The following ALK variants were observed in gnomAD, a reference collection of about 807,000 sequenced individuals.
ALK encodes the protein ALK tyrosine kinase receptor.
Under a neutral mutation model 163.1 loss-of-function variants are expected in ALK, and 74 were observed. That is an observed-to-expected ratio of 0.45 (90% CI 0.38 to 0.55). ALK has a LOEUF of 0.55. ALK is among the 20% of genes least tolerant of loss of function. ALK has a pLI of 0.00. For synonymous variants in ALK, 960 were observed against 843.2 expected (o/e 1.14, Z -2.40); for missense variants, 2,063 against 2,105.3 (o/e 0.98, Z 0.39).
chr2:29,601,522 CG>C (rs1184628583), intron 3 of ALK, among the ~76,000 whole-genome samples: 1 of 152,016 alleles, frequency 6.6e-6, no homozygotes, highest in Non-Finnish European at 1.5e-5. Flanking sequence ...TGGATACTAA[CG>C]GCTCCATTAA....
intron 3 of ALK, among the ~76,000 whole-genome samples, chr2:29,667,300 CTTTA>C (rs1677542760): frequency 6.6e-6 from 1 of 151,918 alleles, no homozygotes; most frequent in African/African-American, 2.4e-5. Flanking sequence ...TTTTGGTGCC[CTTTA>C]TTTATTTCTC....
chr2:29,509,834 A>G (rs1672460516), intron 4 of ALK, among the ~76,000 whole-genome samples: 1 of 152,218 alleles, frequency 6.6e-6, no homozygotes, highest in African/African-American at 2.4e-5. Flanking sequence ...AAGCATTTAA[A>G]AAGAGAAAGA....
intron 5 of ALK, among the ~76,000 whole-genome samples, chr2:29,338,756 A>G (rs1363862290): frequency 6.6e-6 from 1 of 152,252 alleles, no homozygotes; most frequent in Non-Finnish European, 1.5e-5. Context: ...GTGCTAATGT[A>G]TGTAGTCAAA....
At chr2:29,433,677 A>G (rs1018280370) in intron 4 of ALK, among the ~76,000 whole-genome samples, 2 of 152,150 alleles carry the variant, frequency 1.3e-5, no homozygotes, top group Non-Finnish European at 2.9e-5. Context: ...TAAAATTTAC[A>G]AAACCAGGTG....
chr2:29,409,845 A>G (rs1669685572), intron 4 of ALK, among the ~76,000 whole-genome samples: 1 of 151,938 alleles, frequency 6.6e-6, no homozygotes, highest in Non-Finnish European at 1.5e-5. Flanking sequence ...TCAAGGGTTC[A>G]TTTCTCTACC....
intron 3 of ALK, among the ~76,000 whole-genome samples, chr2:29,663,310 A>G (rs1222082603): frequency 6.6e-6 from 1 of 152,210 alleles, no homozygotes; most frequent in Non-Finnish European, 1.5e-5. Flanking sequence ...AAATTCTTTT[A>G]TGGAGACACA....
At chr2:29,490,957 T>C (rs985576154) in intron 4 of ALK, among the ~76,000 whole-genome samples, 10 of 152,126 alleles carry the variant, frequency 6.6e-5, no homozygotes, top group African/African-American at 2.4e-4. Flanking sequence ...GTAGTAAATT[T>C]TTACCTGCAT....
chr2:29,699,542 G>A (rs1678671739), intron 2 of ALK, among the ~76,000 whole-genome samples: 2 of 152,314 alleles, frequency 1.3e-5, no homozygotes, highest in South Asian at 2.1e-4. Context: ...AGAAACCAAT[G>A]AAGTGTTTTA....
intron 5 of ALK, among the ~76,000 whole-genome samples, chr2:29,344,840 T>C (rs1048315905): frequency 6.6e-6 from 1 of 151,908 alleles, no homozygotes; most frequent in Non-Finnish European, 1.5e-5. Flanking sequence ...AACACTTGAG[T>C]TATCCTCAAA....
In ALK at chr2:29,629,339, T is replaced by C. The variant is rs552920466; in HGVS notation, c.952+65511A>G. Among the ~76,000 whole-genome samples the C allele has an allele frequency of 1.5e-4, 23 of 152,252 alleles. No homozygotes were observed. The East Asian group carries it at 4.1e-3, about 27-fold the overall frequency. On this transcript the variant is annotated intron_variant, in intron 3 of 28. Transcript: ENST00000389048. ...AAAACTTGAGACCCTCAGGAAAGAA[T>C]GGCATAAATGGAAAACTGTTTTCTA...
At chr2:29,769,859 C>A (rs1377227765) in intron 1 of ALK, among the ~76,000 whole-genome samples, 1 of 152,142 alleles carries the variant, frequency 6.6e-6, no homozygotes, top group Non-Finnish European at 1.5e-5. Context: ...GACTGATAGC[C>A]AATTGATTGA....
At chr2:29,502,489 T>G (rs1672213227) in intron 4 of ALK, among the ~76,000 whole-genome samples, 1 of 152,142 alleles carries the variant, frequency 6.6e-6, no homozygotes, top group East Asian at 1.9e-4. Context: ...ACTCAACGTT[T>G]TATTACTCAG....
At chr2:29,768,713 C>CTATGTGTGTGTGTG (rs149394341) in intron 1 of ALK, among the ~76,000 whole-genome samples, 2,093 of 142,904 alleles carry the variant, frequency 0.015, 43 homozygotes, top group African/African-American at 0.037. Context: ...TTATATATGT[C>CTATGTGTGTGTGTG]TGTGTGTGTG....
intron 26 of ALK, among the ~76,000 whole-genome samples, chr2:29,204,800 G>C (rs1476308039): frequency 6.6e-6 from 1 of 152,176 alleles, no homozygotes; most frequent in South Asian, 2.1e-4. Flanking sequence ...TGTTGGCAAG[G>C]CTAGTCTCGA....
chr2:29,895,231 G>T (rs1316203896), intron 1 of ALK, among the ~76,000 whole-genome samples: 1 of 152,206 alleles, frequency 6.6e-6, no homozygotes, highest in African/African-American at 2.4e-5. Flanking sequence ...TCTGAAAGTT[G>T]TTACTTGGGA....
At chr2:29,859,629 AT>A (rs752525514) in intron 1 of ALK, among the ~76,000 whole-genome samples, 3 of 152,198 alleles carry the variant, frequency 2.0e-5, no homozygotes, top group African/African-American at 7.2e-5. Context: ...GTGAAAAAAA[AT>A]AAATAGAAAA....
chr2:29,676,959 G>T (rs2541174), intron 3 of ALK, among the ~76,000 whole-genome samples: 1 of 151,902 alleles, frequency 6.6e-6, no homozygotes, highest in East Asian at 1.9e-4. Context: ...AATACAGTTA[G>T]TTTTTTAATA....
At chr2:29,196,738 T>G (rs1228383362) in intron 28 of ALK, 32 bp downstream of exon 28, 6 of 1,509,696 alleles carry the variant, frequency 4.0e-6, no homozygotes, top group Middle Eastern at 1.7e-4. Context: ...TCATATAGAG[T>G]AAATGTTGAC....
At chr2:29,826,080 G>T (rs573347124) in intron 1 of ALK, among the ~76,000 whole-genome samples, 1 of 152,078 alleles carries the variant, frequency 6.6e-6, no homozygotes, top group East Asian at 1.9e-4. Flanking sequence ...CAGGTGACAG[G>T]TGCCCACCTG....
Sources: gnomAD v4.1 joint callset for allele counts (sites outside exome capture counted in the v4.1 genomes callset) on GRCh38, gnomAD v4.1.1 for gene constraint, MANE v1.5 for transcripts, NCBI Gene and HGNC (gene_info 2026-07-23, HGNC 2026-07-21) for gene names.